Variants in NPAS3 observed in about 807,000 individuals in gnomAD.
NPAS3 encodes the protein neuronal PAS domain-containing protein 3.
A neutral mutation model predicts 73.1 loss-of-function variants in NPAS3; 14 were observed. That is an observed-to-expected ratio of 0.19 (90% CI 0.13 to 0.30). The LOEUF (loss-of-function observed/expected upper bound fraction) is 0.30, where lower values mean the gene tolerates loss of function less well. Ranked by LOEUF, NPAS3 falls within the 10% of genes least tolerant of loss-of-function variation. NPAS3 has a pLI of 1.00. For synonymous variants in NPAS3, 620 were observed against 541.5 expected (o/e 1.14, Z -2.01); for missense variants, 1,096 against 1,250.0 (o/e 0.88, Z 1.86).
Position 33,425,311 on chromosome 14 carries a change from C to T in NPAS3, c.468+58043C>T, listed in dbSNP as rs376659533. On this transcript the variant is annotated intron_variant, in intron 4 of 11. Transcript: ENST00000356141. ...TTAAATGAATGAGTGAAATAGAGCT[C>T]TACCTAGAGGAAGATATGGAGTTGA... Among the ~76,000 whole-genome samples the T allele has an allele frequency of 2.8e-4, 42 of 152,070 alleles. No homozygotes were observed. The East Asian group carries it at 5.2e-3, about 19-fold the overall frequency.
chr14:33,066,812 G>T (rs79421057), intron 2 of NPAS3, among the ~76,000 whole-genome samples: 1,614 of 152,286 alleles, frequency 0.011, 9 homozygotes, highest in Non-Finnish European at 0.019. Context: ...TGACGGTGAA[G>T]TTACCTTTCA....
intron 4 of NPAS3, among the ~76,000 whole-genome samples, chr14:33,559,483 G>T (rs1185203934): frequency 6.6e-6 from 1 of 151,976 alleles, no homozygotes; most frequent in African/African-American, 2.4e-5. Context: ...ATTTAATGGA[G>T]AATCTTGCTG....
At chr14:33,480,552 C>CCTCA (rs2051272098) in intron 4 of NPAS3, among the ~76,000 whole-genome samples, 1 of 63,160 alleles carries the variant, frequency 1.6e-5, no homozygotes, top group East Asian at 4.0e-4. Flanking sequence ...CCCCACCCTT[C>CCTCA]CTCCCTCCCT....
At chr14:33,303,899 C>CTTTGTTTTTGTT (rs200495898) in intron 3 of NPAS3, among the ~76,000 whole-genome samples, 14 of 151,978 alleles carry the variant, frequency 9.2e-5, no homozygotes, top group African/African-American at 3.4e-4. Flanking sequence ...CACTACCAAG[C>CTTTGTTTTTGTT]TTTGTTTTTG....
chr14:33,106,859 G>A (rs1398624501), intron 2 of NPAS3, among the ~76,000 whole-genome samples: 2 of 152,108 alleles, frequency 1.3e-5, no homozygotes, highest in African/African-American at 4.8e-5. Context: ...TAGACAGATG[G>A]ATTTCTCCCT....
intron 2 of NPAS3, among the ~76,000 whole-genome samples, chr14:33,181,452 T>C (rs1193223987): frequency 6.6e-6 from 1 of 152,242 alleles, no homozygotes; most frequent in Non-Finnish European, 1.5e-5. Context: ...CATAGTGAGA[T>C]AGTGGGACAA....
chr14:33,116,267 T>C (rs1282693856), intron 2 of NPAS3, among the ~76,000 whole-genome samples: 1 of 152,168 alleles, frequency 6.6e-6, no homozygotes, highest in Non-Finnish European at 1.5e-5. Context: ...AACATGCTAC[T>C]TTCTGTTCTT....
rs115508443 is a variant in NPAS3 at position 32,978,380 on chromosome 14, C to A, written c.50+39014C>A. 2.6e-3 allele frequency among the ~76,000 whole-genome samples: 391 copies of A among 152,268 alleles called. 2 individuals are homozygous for A. Among genetic ancestry groups the A allele is most frequent in the African/African-American group, 9.1e-3 (379 of 41,574 alleles). On this transcript the variant is annotated intron_variant, in intron 1 of 11. Coordinates refer to ENST00000356141, the Ensembl canonical transcript of NPAS3. ...GGAGAAGGGCCATCCACATACAACT[C>A]AGAGAGCATCATTTCACTTGTATTT...
At chr14:33,483,963 C>T (rs1209599155) in intron 4 of NPAS3, among the ~76,000 whole-genome samples, 1 of 152,186 alleles carries the variant, frequency 6.6e-6, no homozygotes, top group African/African-American at 2.4e-5. Context: ...TATGCAATTC[C>T]ATGCTATATA....
intron 3 of NPAS3, among the ~76,000 whole-genome samples, chr14:33,363,521 AC>A (rs1013619662): frequency 6.6e-6 from 1 of 152,048 alleles, no homozygotes; most frequent in Non-Finnish European, 1.5e-5. Context: ...AAACCAATAA[AC>A]CCTTCTCCCT....
intron 2 of NPAS3, among the ~76,000 whole-genome samples, chr14:33,086,224 T>A (rs1186329099): frequency 6.6e-6 from 1 of 152,196 alleles, no homozygotes; most frequent in Non-Finnish European, 1.5e-5. Flanking sequence ...ACAAAAAATA[T>A]TTTTGCTTAC....
chr14:33,450,462 AT>A (rs1286285829), intron 4 of NPAS3, among the ~76,000 whole-genome samples: 1 of 152,138 alleles, frequency 6.6e-6, no homozygotes, highest in Non-Finnish European at 1.5e-5. Flanking sequence ...CTCCCAAACT[AT>A]TTTTTTAATT....
intron 3 of NPAS3, among the ~76,000 whole-genome samples, chr14:33,328,704 G>A (rs745455890): frequency 7.9e-5 from 12 of 151,612 alleles, no homozygotes; most frequent in Non-Finnish European, 1.3e-4. Flanking sequence ...TGATCCTCCC[G>A]CTTTGGCCTC....
chr14:33,621,558 T>C (rs1214658888), intron 5 of NPAS3, among the ~76,000 whole-genome samples: 1 of 152,182 alleles, frequency 6.6e-6, no homozygotes, highest in Non-Finnish European at 1.5e-5. Context: ...CCCACTATGG[T>C]TAAATTTTTA....
At chr14:33,779,093 C>T (rs1309226076) in intron 9 of NPAS3, among the ~76,000 whole-genome samples, 5 of 152,242 alleles carry the variant, frequency 3.3e-5, no homozygotes, top group East Asian at 1.9e-4. Context: ...ACAGTGCTTT[C>T]GCTGTTTCTG....
At chr14:33,379,888 AATTAT>A (rs1372728822) in intron 4 of NPAS3, among the ~76,000 whole-genome samples, 9 of 152,204 alleles carry the variant, frequency 5.9e-5, no homozygotes, top group South Asian at 2.1e-4. Flanking sequence ...ATAATTCAAC[AATTAT>A]ATTATAATGT....
chr14:33,581,345 C>T, intron 5 of NPAS3, among the ~76,000 whole-genome samples: 1 of 152,040 alleles, frequency 6.6e-6, no homozygotes, highest in East Asian at 1.9e-4. Flanking sequence ...CTGACAAGTC[C>T]TTTAATTAAA....
intron 1 of NPAS3, among the ~76,000 whole-genome samples, chr14:33,025,965 A>G (rs2039786925): frequency 6.6e-6 from 1 of 152,194 alleles, no homozygotes. Flanking sequence ...GGAATTGTCA[A>G]AATATTGAAA....
chr14:33,138,300 T>C (rs2043917180), intron 2 of NPAS3, among the ~76,000 whole-genome samples: 1 of 151,492 alleles, frequency 6.6e-6, no homozygotes, highest in Non-Finnish European at 1.5e-5. Flanking sequence ...AGGGTTTTGG[T>C]AATCAGTGAA....
Sources: gnomAD v4.1 joint callset for allele counts (sites outside exome capture counted in the v4.1 genomes callset) on GRCh38, gnomAD v4.1.1 for gene constraint, MANE v1.5 for transcripts, NCBI Gene and HGNC (gene_info 2026-07-23, HGNC 2026-07-21) for gene names.